Variants in CLTC observed in about 807,000 individuals in gnomAD.
The protein encoded by CLTC is clathrin heavy chain 1.
Under a neutral mutation model 195.8 loss-of-function variants are expected in CLTC, and 16 were observed. The observed-to-expected ratio is 0.08, with a 90% CI of 0.06 to 0.12. The LOEUF (loss-of-function observed/expected upper bound fraction) is 0.12, where lower values mean the gene tolerates loss of function less well. CLTC is among the 10% of genes least tolerant of loss of function. CLTC has a pLI of 1.00. For synonymous variants in CLTC, 667 were observed against 689.4 expected (o/e 0.97, Z 0.51); for missense variants, 796 against 2,027.0 (o/e 0.39, Z 11.66).
intron 8 of CLTC, among the ~76,000 whole-genome samples, chr17:59,662,411 G>A (rs934144374): frequency 1.3e-5 from 2 of 152,198 alleles, no homozygotes; most frequent in Admixed American, 6.5e-5. Context: ...AACAGCCAAA[G>A]GATGTTGTTT....
At chr17:59,658,202 C>CAA (rs889791148) in intron 6 of CLTC, among the ~76,000 whole-genome samples, 1 of 148,722 alleles carries the variant, frequency 6.7e-6, no homozygotes, top group Non-Finnish European at 1.5e-5. Context: ...GACTCCGTCT[C>CAA]AAAAAAAAAA....
chr17:59,685,552 C>G lies in CLTC; in HGVS notation c.4606-35C>G. The G allele has an allele frequency of 1.3e-6, 2 of 1,537,480 alleles. No individual in the cohort carries two copies. The highest frequency in any genetic ancestry group is 1.8e-6 in the Non-Finnish European group (2 of 1,112,426). Reference sequence around the variant, plus strand: ...GGTTTACTAGTTCAGTATGTGGGGTCTAATGTTTTTGACTTTCACTATTTC... The same window carrying G: ...GGTTTACTAGTTCAGTATGTGGGGTGTAATGTTTTTGACTTTCACTATTTC... On this transcript the variant is annotated intron_variant, in intron 29 of 31. Coordinates refer to ENST00000269122, the MANE Select transcript of CLTC (RefSeq NM_004859.4). The surrounding 1 kb of genome is among the most constrained non-coding windows in gnomAD (Gnocchi z 5.0).
chr17:59,651,088 A>C, intron 4 of CLTC, 115 bp from the exon 5 acceptor site: 1 of 668,168 alleles, frequency 1.5e-6, no homozygotes, highest in Non-Finnish European at 2.7e-6. Flanking sequence ...AAACCATTTA[A>C]CATTGATCTT....
At chr17:59,665,006 C>A in intron 10 of CLTC, 97 bp downstream of exon 10, 1 of 1,477,008 alleles carries the variant, frequency 6.8e-7, no homozygotes, top group Non-Finnish European at 9.1e-7. Context: ...GGGAGTATTG[C>A]TTGAGGCCAA....
chr17:59,685,597 A>G lies in CLTC; in HGVS notation c.4616A>G (p.Gln1539Arg), dbSNP rs1378922042. ...TATTTCTTTGAATAGGATGCAATGCAGTATGCTTCTGAATCTAAAGATACT... is the reference window on the plus strand; with the variant it reads ...TATTTCTTTGAATAGGATGCAATGCGGTATGCTTCTGAATCTAAAGATACT... ...KKDSLYKDAM[Q>R]YASESKDTEL... The change falls in exon 30 of 32, where the codon CAG (glutamine) becomes CGG (arginine). Residue 1539 changes from glutamine (Q) to arginine (R), a missense_variant. Coordinates refer to ENST00000269122, the MANE Select transcript of CLTC (RefSeq NM_004859.4). This position sits in a 1 kb window ranked among gnomAD's most constrained non-coding sequence, Gnocchi z 5.0. 13 of 1,613,698 alleles carry G rather than the reference A, an allele frequency of 8.1e-6. No individual in the cohort carries two copies. The highest frequency in any genetic ancestry group is 3.3e-5 in the Admixed American group (2 of 60,024).
At chr17:59,667,832 G>A (rs2032765026) in intron 13 of CLTC, among the ~76,000 whole-genome samples, 1 of 152,128 alleles carries the variant, frequency 6.6e-6, no homozygotes, top group East Asian at 1.9e-4. Context: ...AATCACTGTT[G>A]GGTGTCTAAC....
At chr17:59,624,295 A>C (rs547431402) in intron 1 of CLTC, among the ~76,000 whole-genome samples, 6 of 152,240 alleles carry the variant, frequency 3.9e-5, no homozygotes, top group Admixed American at 1.3e-4. Context: ...GTTATACAGT[A>C]TCCTAGAGTG....
rs760880148 is a variant in CLTC at position 59,666,203 on chromosome 17, C to T, written c.1745C>T (p.Thr582Met). ...NNRPSEGPLQ[T>M]RLLEMNLMHA... is the part of the protein sequence containing the mutation. Reference sequence around the variant, plus strand: ...CGCCCATCTGAAGGTCCTTTACAGACGCGGTTACTTGAGATGAACCTTATG... The same window carrying T: ...CGCCCATCTGAAGGTCCTTTACAGATGCGGTTACTTGAGATGAACCTTATG... Residue 582 changes from threonine (T) to methionine (M), a missense_variant, in exon 11 of 32, where the codon ACG (threonine) becomes ATG (methionine). Thr to Met is a moderately conservative substitution (Grantham distance 81). Around this residue, in one of 9 missense-constraint regions of CLTC, gnomAD observed 293 missense variants for 795.6 expected, o/e 0.37. Coordinates refer to ENST00000269122, the MANE Select transcript of CLTC (RefSeq NM_004859.4). This position sits in a 1 kb window ranked among gnomAD's most constrained non-coding sequence, Gnocchi z 4.9. The T allele has an allele frequency of 9.9e-6, 16 of 1,613,880 alleles. No individual in the cohort carries two copies. The highest frequency in any genetic ancestry group is 1.3e-5 in the African/African-American group (1 of 74,910).
chr17:59,661,747 G>A, intron 8 of CLTC, 104 bp downstream of exon 8: 1 of 922,338 alleles, frequency 1.1e-6, no homozygotes, highest in Non-Finnish European at 1.7e-6. Flanking sequence ...ATTACTGCTG[G>A]TAGAAACAGA....
At position 59,681,398 on chromosome 17, in the gene CLTC, A is replaced by C; in HGVS notation, c.3169A>C (p.Asn1057His). The C allele has an allele frequency of 6.2e-7, 1 of 1,614,110 alleles. No homozygotes were observed. The highest frequency in any genetic ancestry group is 8.5e-7 in the Non-Finnish European group (1 of 1,179,992). Residue 1057 changes from asparagine to histidine, a missense_variant, in exon 20 of 32, where the codon AAT (asparagine) becomes CAT (histidine). This residue lies in a region of CLTC where 160 missense variants were observed against 448.2 expected (regional missense o/e 0.36). Transcript: ENST00000269122. The surrounding 1 kb of genome is among the most constrained non-coding windows in gnomAD (Gnocchi z 5.0). ...LDNYDAPDIA[N>H]IAISNELFEE... is the part of the protein sequence containing the mutation. ...TAATTATGATGCCCCAGATATTGCC[A>C]ATATCGCCATCAGCAATGAGCTGTT... is the stretch of plus-strand genomic sequence containing the variant.
intron 1 of CLTC, among the ~76,000 whole-genome samples, chr17:59,638,550 C>T (rs1534550): frequency 0.58 from 84,793 of 147,158 alleles, 27,688 homozygotes; most frequent in Non-Finnish European, 0.74. Context: ...ATTTTTCCAC[C>T]GGTTGGGGGT....
chr17:59,690,801 T>A, intron 31 of CLTC, 90 bp downstream of exon 31: 1 of 990,582 alleles, frequency 1.0e-6, no homozygotes, highest in Non-Finnish European at 1.5e-6. Flanking sequence ...AACAAGCTTC[T>A]AAAGTGCAAA....
rs754583668 is a variant in CLTC at position 59,683,410 on chromosome 17, T to C, written c.4065T>C (p.Ala1355=). 1.9e-6 allele frequency: 3 copies of C among 1,613,440 alleles called. No individual in the cohort carries two copies. Among genetic ancestry groups the C allele is most frequent in the Non-Finnish European group, 2.5e-6 (3 of 1,179,698 alleles). ...IPKVLRAAEQ[A]HLWAELVFLY... Reference sequence around the variant, plus strand: ...AGGTGCTAAGAGCTGCAGAACAAGCTCATCTTTGGGCAGAACTGGTGTTTT... The same window carrying C: ...AGGTGCTAAGAGCTGCAGAACAAGCCCATCTTTGGGCAGAACTGGTGTTTT... The change falls in exon 26 of 32, where the codon GCT becomes GCC. Residue 1355 remains alanine (A), a synonymous_variant. Coordinates refer to ENST00000269122, the MANE Select transcript of CLTC (RefSeq NM_004859.4). The surrounding 1 kb of genome is among the most constrained non-coding windows in gnomAD (Gnocchi z 6.1).
chr17:59,693,056 T>TA (rs1184978715), intron 31 of CLTC, among the ~76,000 whole-genome samples: 1 of 152,230 alleles, frequency 6.6e-6, no homozygotes, highest in Non-Finnish European at 1.5e-5. Context: ...AATGTAACTC[T>TA]AAAAGTTATG....
At position 59,683,678 on chromosome 17, in the gene CLTC, G is replaced by A; in HGVS notation, c.4245G>A (p.Lys1415=). 4 of 1,614,144 alleles carry A rather than the reference G, an allele frequency of 2.5e-6. No individual in the cohort carries two copies. The highest frequency in any genetic ancestry group is 3.4e-6 in the Non-Finnish European group (4 of 1,180,024). ...CAATACAGTTCTACTTAGAATTCAA[G>A]CCTCTGTTGTTAAATGATTTGCTGA... is the stretch of plus-strand genomic sequence containing the variant. ...YRAIQFYLEF[K]PLLLNDLLMV... Residue 1415 remains lysine (K), a synonymous_variant, in exon 27 of 32, where the codon AAG becomes AAA. Transcript: ENST00000269122. The surrounding 1 kb of genome is among the most constrained non-coding windows in gnomAD (Gnocchi z 6.1).
At chr17:59,677,543 T>C (rs1567966328) in intron 17 of CLTC, among the ~76,000 whole-genome samples, 1 of 152,318 alleles carries the variant, frequency 6.6e-6, no homozygotes, top group South Asian at 2.1e-4. Context: ...TCCGAGTGTA[T>C]GGCCTAAGAA....
chr17:59,667,331 G>A (rs897889712), intron 13 of CLTC, among the ~76,000 whole-genome samples: 2 of 152,058 alleles, frequency 1.3e-5, no homozygotes, highest in Admixed American at 6.6e-5. Context: ...CCAACATAAC[G>A]CTCAAAGGAA....
intron 14 of CLTC, among the ~76,000 whole-genome samples, chr17:59,671,985 G>A (rs1028485294): frequency 6.6e-6 from 1 of 152,082 alleles, no homozygotes; most frequent in Admixed American, 6.6e-5. Flanking sequence ...AATGGACTCT[G>A]CTTCCTTTGT....
chr17:59,673,903 T>C (rs2032908696), intron 15 of CLTC, 131 bp downstream of exon 15: 6 of 576,848 alleles, frequency 1.0e-5, no homozygotes, highest in Non-Finnish European at 1.2e-5. Flanking sequence ...TTTTTTGTTT[T>C]TGTTTTTGTT....
Sources: gnomAD v4.1 joint callset for allele counts (sites outside exome capture counted in the v4.1 genomes callset) on GRCh38, gnomAD v4.1.1 for gene constraint, gnomAD v4.1.1 regional missense constraint, Gnocchi (gnomAD v3.1) non-coding constraint, MANE v1.5 for transcripts, NCBI Gene and HGNC (gene_info 2026-07-23, HGNC 2026-07-21) for gene names.